Variants in TIAM2 observed in about 807,000 individuals in gnomAD.
The protein encoded by TIAM2 is TIAM Rac1 associated GEF 2, also known as rho guanine nucleotide exchange factor TIAM2.
In TIAM2, 80 loss-of-function variants were observed where a neutral mutation model predicts 152.9. The ratio of observed to expected loss-of-function variants is 0.52; its 90% CI spans 0.44 to 0.63. The LOEUF (loss-of-function observed/expected upper bound fraction) is 0.63. Among genes scored for constraint, TIAM2 ranks in the 30% least tolerant of loss-of-function variants. The pLI, the probability that TIAM2 is intolerant of heterozygous loss-of-function variation, is 0.00. For synonymous variants in TIAM2, 804 were observed against 838.0 expected, an observed-to-expected ratio of 0.96 and a Z score of 0.70; for missense variants, 1,965 against 2,120.1, an observed-to-expected ratio of 0.93 and a Z score of 1.44.
chr6:155,047,700 A>AG (rs1336735767), intron 1 of TIAM2, among the ~76,000 whole-genome samples: 307 of 25,748 alleles, frequency 0.012, 12 homozygotes, highest in African/African-American at 0.025. Flanking sequence ...AGAGAGAGAG[A>AG]GAGAGCGAGA....
chr6:155,180,902 C>T (rs534226536), intron 12 of TIAM2, among the ~76,000 whole-genome samples: 6 of 152,208 alleles, frequency 3.9e-5, no homozygotes, highest in Non-Finnish European at 8.8e-5. Context: ...AGCCACTGTG[C>T]CCGGACCCCA....
rs150655806 is a variant in TIAM2 at position 155,179,231 on chromosome 6, G to A, written c.2628+88G>A. 805 of 1,463,680 alleles carry A rather than the reference G, an allele frequency of 5.5e-4. 5 individuals carry two copies. The African/African-American group carries it at 9.7e-3, about 18-fold the overall frequency. The allele number at this position is 1,463,680 out of a possible 1,614,324, so 90.7% of individuals were successfully genotyped here. On this transcript the variant is annotated intron_variant, in intron 11 of 26. Transcript: ENST00000682666. ...AAATGTCATTTTTGGGGAAAATTCT[G>A]TTTAAATTTGGCGTCTAGTTTGGAA... is the stretch of plus-strand genomic sequence containing the variant.
intron 5 of TIAM2, 128 bp downstream of exon 5, chr6:155,137,740 C>A (rs950680215): frequency 1.5e-5 from 15 of 1,015,906 alleles, no homozygotes; most frequent in Non-Finnish European, 2.1e-5. Context: ...GATCCATGGG[C>A]TGCCTTCATG....
At chr6:155,194,417 G>A (rs1781285409) in intron 14 of TIAM2, among the ~76,000 whole-genome samples, 1 of 152,170 alleles carries the variant, frequency 6.6e-6, no homozygotes, top group African/African-American at 2.4e-5. Flanking sequence ...CAGCCCCGGT[G>A]CCAGCCAGGG....
At chr6:155,144,074 A>G (rs113591824) in intron 5 of TIAM2, among the ~76,000 whole-genome samples, 3,819 of 152,214 alleles carry the variant, frequency 0.025, 61 homozygotes, top group South Asian at 0.035. Flanking sequence ...CAGCAGGTGG[A>G]TTACCATGCT....
At chr6:155,161,762 G>A (rs1223692805) in intron 7 of TIAM2, among the ~76,000 whole-genome samples, 2 of 150,006 alleles carry the variant, frequency 1.3e-5, no homozygotes, top group Non-Finnish European at 3.0e-5. Flanking sequence ...ATTTTTAGTA[G>A]AGATGGGGTT....
chr6:155,064,578 G>A (rs1419531217), intron 1 of TIAM2, among the ~76,000 whole-genome samples: 2 of 152,188 alleles, frequency 1.3e-5, no homozygotes, highest in African/African-American at 4.8e-5. Context: ...GGATTTTATG[G>A]CTGTGGCAGA....
rs774027014 is a variant in TIAM2, at chr6:155,137,312, G to A, written c.1330G>A (p.Glu444Lys). 7 of 1,614,246 alleles carry A rather than the reference G, an allele frequency of 4.3e-6. No homozygotes were observed. In the South Asian group the frequency reaches 6.6e-5, roughly 15 times the overall value. ...GSTQILSQRS[E>K]STHAIGSDPL... ...TACTCAGATCCTGTCTCAGAGAAGT[G>A]AATCCACACATGCGATTGGCAGCGA... Residue 444 changes from glutamate to lysine, a missense_variant, in exon 5 of 27, where the codon GAA becomes AAA. By Grantham distance (56) the Glu-to-Lys change is moderately conservative. Around this residue, in one of 3 missense-constraint regions of TIAM2, gnomAD observed 1,025 missense variants for 1,119.4 expected, o/e 0.92. Coordinates refer to ENST00000682666, the MANE Select transcript of TIAM2 (RefSeq NM_012454.4).
intron 10 of TIAM2, among the ~76,000 whole-genome samples, chr6:155,178,060 C>T (rs1780796954): frequency 6.6e-6 from 1 of 151,022 alleles, no homozygotes; most frequent in Non-Finnish European, 1.5e-5. Context: ...ACTCGGGAGG[C>T]AGAGGCAGGA....
intron 2 of TIAM2, among the ~76,000 whole-genome samples, chr6:155,090,682 G>A (rs1376714763): frequency 2.0e-5 from 3 of 152,114 alleles, no homozygotes; most frequent in Non-Finnish European, 4.4e-5. Context: ...GATGCAGCCT[G>A]GGCAGCTTTA....
intron 26 of TIAM2, chr6:155,256,024 G>T (rs1005435184): frequency 5.1e-6 from 1 of 196,010 alleles, no homozygotes; most frequent in South Asian, 7.6e-5. Flanking sequence ...AAAAAAGGGG[G>T]GGGGAGGGGC....
chr6:155,250,584 G>A, intron 21 of TIAM2: 2 of 1,536,022 alleles, frequency 1.3e-6, no homozygotes, highest in Non-Finnish European at 8.7e-7. Context: ...GATCCCAGGG[G>A]AAAGCTTACA....
At chr6:155,125,334 AAAAAG>A (rs2115031089) in intron 2 of TIAM2, among the ~76,000 whole-genome samples, 1 of 152,302 alleles carries the variant, frequency 6.6e-6, no homozygotes, top group Non-Finnish European at 1.5e-5. Context: ...TAAGCACATG[AAAAAG>A]ATGGCTCAAT....
intron 14 of TIAM2, among the ~76,000 whole-genome samples, chr6:155,202,184 C>CT (rs1005255703): frequency 2.6e-5 from 4 of 151,594 alleles, no homozygotes; most frequent in South Asian, 2.1e-4. Context: ...TCAAGAGTTA[C>CT]TTTTTTTTTC....
chr6:155,103,116 T>G (rs9478613), intron 2 of TIAM2, among the ~76,000 whole-genome samples: 76,296 of 152,002 alleles, frequency 0.5, 19,690 homozygotes, highest in African/African-American at 0.59. Flanking sequence ...AAGTCTAGTT[T>G]TATGATTTGG....
At chr6:155,133,227 A>T (rs992793472) in intron 4 of TIAM2, among the ~76,000 whole-genome samples, 1 of 152,124 alleles carries the variant, frequency 6.6e-6, no homozygotes, top group Non-Finnish European at 1.5e-5. Flanking sequence ...TGTGCCTGTT[A>T]GTCCCACTAC....
chr6:155,250,646 C>T (rs2115349159), intron 21 of TIAM2: 1 of 1,533,386 alleles, frequency 6.5e-7, no homozygotes, highest in East Asian at 2.4e-5. Context: ...CTTATGGAAA[C>T]TGAGTTGGTC....
intron 1 of TIAM2, among the ~76,000 whole-genome samples, chr6:155,046,977 T>TA (rs1460769113): frequency 6.6e-6 from 1 of 152,230 alleles, no homozygotes. Context: ...TTTGTGAAGA[T>TA]ATATGTTTGG....
At chr6:155,138,344 A>G (rs529184132) in intron 5 of TIAM2, among the ~76,000 whole-genome samples, 2 of 152,236 alleles carry the variant, frequency 1.3e-5, no homozygotes, top group African/African-American at 4.8e-5. Context: ...AGCTTGTGCA[A>G]CTAAGATTAT....
Sources: gnomAD v4.1 joint callset for allele counts (sites outside exome capture counted in the v4.1 genomes callset) on GRCh38, gnomAD v4.1.1 for gene constraint, gnomAD v4.1.1 regional missense constraint, MANE v1.5 for transcripts, NCBI Gene and HGNC (gene_info 2026-07-23, HGNC 2026-07-21) for gene names.